Variants in SPATA6 observed in about 807,000 individuals in gnomAD.
SPATA6 encodes spermatogenesis-associated protein 6.
In SPATA6, 56 loss-of-function variants were observed where a neutral mutation model predicts 65.3. That is an observed-to-expected ratio of 0.86 (90% CI 0.69 to 1.07). The LOEUF is 1.07. Ranked by LOEUF, SPATA6 falls within the 50% of genes least tolerant of loss-of-function variation. The pLI is 0.00. For missense variants in SPATA6, 590 were observed against 594.8 expected (o/e 0.99, Z 0.08); for synonymous variants, 199 against 213.2 (o/e 0.93, Z 0.58).
chr1:48,372,074 C>A (rs1647341228), intron 9 of SPATA6, among the ~76,000 whole-genome samples: 2 of 152,074 alleles, frequency 1.3e-5, no homozygotes, highest in Non-Finnish European at 2.9e-5. Context: ...CTGGCACCTC[C>A]AAATATCATG....
chr1:48,264,389 C>A, the SPATA6 span, among the ~76,000 whole-genome samples: 1 of 152,098 alleles, frequency 6.6e-6, no homozygotes, highest in Non-Finnish European at 1.5e-5. Flanking sequence ...TGTTGTTATA[C>A]TTTAAGTTCT....
chr1:48,456,783 A>C (rs190058351), intron 1 of SPATA6, among the ~76,000 whole-genome samples: 1 of 152,310 alleles, frequency 6.6e-6, no homozygotes, highest in African/African-American at 2.4e-5. Flanking sequence ...GAGCTGTCGG[A>C]AAAAGAATAA....
At chr1:48,411,034 T>C (rs1652177199) in intron 5 of SPATA6, among the ~76,000 whole-genome samples, 1 of 152,206 alleles carries the variant, frequency 6.6e-6, no homozygotes, top group Admixed American at 6.5e-5. Context: ...CTCTGAATAC[T>C]AATGAGTTAG....
intron 3 of SPATA6, among the ~76,000 whole-genome samples, chr1:48,448,500 A>G (rs1656275962): frequency 6.6e-6 from 1 of 152,104 alleles, no homozygotes; most frequent in South Asian, 2.1e-4. Context: ...AGGAAAAAAA[A>G]AAAAAAAGAC....
chr1:48,471,415 C>T (rs1658235734), intron 1 of SPATA6, among the ~76,000 whole-genome samples: 1 of 152,142 alleles, frequency 6.6e-6, no homozygotes, highest in African/African-American at 2.4e-5. Flanking sequence ...AGGCAAGGTA[C>T]TTTGCGCAAT....
the SPATA6 span, among the ~76,000 whole-genome samples, chr1:48,284,994 G>C: frequency 3.3e-5 from 5 of 152,178 alleles, no homozygotes; most frequent in Admixed American, 6.5e-5. Flanking sequence ...GAGCCAGCAC[G>C]CAGGAACGTT....
chr1:48,410,736 T>C (rs947553341), intron 5 of SPATA6, among the ~76,000 whole-genome samples: 2 of 152,226 alleles, frequency 1.3e-5, no homozygotes, highest in South Asian at 2.1e-4. Context: ...GTCAAACACT[T>C]ATAAAACCAT....
At chr1:48,385,405 T>G in intron 8 of SPATA6, 56 bp from the exon 9 acceptor site, 1 of 1,445,354 alleles carries the variant, frequency 6.9e-7, no homozygotes, top group Non-Finnish European at 9.6e-7. Flanking sequence ...TCTTTGATTT[T>G]TAATACTATC....
chr1:48,396,005 T>C (rs1192401282), intron 7 of SPATA6, among the ~76,000 whole-genome samples: 1 of 151,754 alleles, frequency 6.6e-6, no homozygotes, highest in Admixed American at 6.6e-5. Flanking sequence ...AAAGAACCCC[T>C]ACAACTCAAT....
downstream of SPATA6, among the ~76,000 whole-genome samples, chr1:48,292,454 A>G (rs1569944781): frequency 6.6e-6 from 1 of 152,210 alleles, no homozygotes; most frequent in African/African-American, 2.4e-5. Context: ...TATAGCAGCA[A>G]GTGCACCTGC....
At chr1:48,364,645 GGTT>G (rs1646935798) in intron 9 of SPATA6, among the ~76,000 whole-genome samples, 1 of 151,996 alleles carries the variant, frequency 6.6e-6, no homozygotes, top group Non-Finnish European at 1.5e-5. Flanking sequence ...TTTTTGATGG[GGTT>G]GTTTTTTTCT....
rs139894441 is a variant in SPATA6, at chr1:48,339,537, A to C, written c.1194+16133T>G. 2.4e-3 allele frequency among the ~76,000 whole-genome samples: 362 copies of C among 152,118 alleles called. 1 individual carries two copies. The highest frequency in any genetic ancestry group is 7.9e-3 in the African/African-American group (327 of 41,534). On this transcript the variant is annotated intron_variant, in intron 11 of 12. Transcript: ENST00000371847. ...GAAAATAGGTGAAAAGTTGGGCAAA[A>C]TAGAGAAAGTTTAAGACTTGGAAAA...
intron 1 of SPATA6, among the ~76,000 whole-genome samples, chr1:48,462,460 C>A (rs922780640): frequency 6.6e-6 from 1 of 152,068 alleles, no homozygotes; most frequent in Admixed American, 6.6e-5. Flanking sequence ...ACAAATAAAT[C>A]CACAGCTCTA....
chr1:48,303,596 A>G (rs1644991150), intron 12 of SPATA6, among the ~76,000 whole-genome samples: 1 of 152,122 alleles, frequency 6.6e-6, no homozygotes, highest in African/African-American at 2.4e-5. Context: ...GCTAATGAAA[A>G]GATTTCATTT....
At chr1:48,325,528 G>T in intron 11 of SPATA6, 1 of 1,209,940 alleles carries the variant, frequency 8.3e-7, no homozygotes, top group South Asian at 1.2e-5. Context: ...AATGTCACCC[G>T]GGAGTTCTTC....
rs1196537398 is a variant in SPATA6, at chr1:48,350,153, T to C, written c.1194+5517A>G. Among the ~76,000 whole-genome samples, 11 of 151,968 alleles carry C rather than the reference T, an allele frequency of 7.2e-5. No homozygotes were observed. In the East Asian group the frequency reaches 2.1e-3, roughly 29 times the overall value. On this transcript the variant is annotated intron_variant, in intron 11 of 12. Transcript: ENST00000371847. Reference sequence around the variant, plus strand: ...TTTTTGGGTGTATGGTGGTATATCATTATGGTTTTAATTTGCACTTCCATT... The same window carrying C: ...TTTTTGGGTGTATGGTGGTATATCACTATGGTTTTAATTTGCACTTCCATT...
Position 48,298,674 on chromosome 1 carries a change from A to T in SPATA6, c.*39T>A. The T allele has an allele frequency of 6.5e-7, 1 of 1,545,640 alleles. No individual in the cohort carries two copies. Among genetic ancestry groups the T allele is most frequent in the East Asian group, 2.3e-5 (1 of 44,124 alleles). On this transcript the variant is annotated 3_prime_UTR_variant, in exon 13 of 13. Transcript: ENST00000371847. ...ATCACATCAAACATTTTCATTGAGA[A>T]ATTGACACGGACACTAATGAGGTTT... is the stretch of plus-strand genomic sequence containing the variant.
At chr1:48,456,531 C>T (rs571741427) in intron 1 of SPATA6, among the ~76,000 whole-genome samples, 85 of 151,922 alleles carry the variant, frequency 5.6e-4, no homozygotes, top group Admixed American at 2.7e-3. Flanking sequence ...TAAAAACTGT[C>T]CCTGAGGAAG....
At chr1:48,443,260 G>A (rs773077361) in intron 3 of SPATA6, among the ~76,000 whole-genome samples, 9 of 152,244 alleles carry the variant, frequency 5.9e-5, no homozygotes, top group African/African-American at 1.9e-4. Context: ...GGTTTTCAAC[G>A]AAAGTAAAGT....
Sources: gnomAD v4.1 joint callset for allele counts (sites outside exome capture counted in the v4.1 genomes callset) on GRCh38, gnomAD v4.1.1 for gene constraint, MANE v1.5 for transcripts, NCBI Gene and HGNC (gene_info 2026-07-23, HGNC 2026-07-21) for gene names.